TM4SF5: variants seen among roughly 807,000 people sequenced by gnomAD.
The protein encoded by TM4SF5 is transmembrane 4 L six family member 5.
Under a neutral mutation model 22.3 loss-of-function variants are expected in TM4SF5, and 16 were observed. The observed-to-expected ratio is 0.72, with a 90% CI of 0.49 to 1.09. TM4SF5 has a LOEUF of 1.09. TM4SF5 is among the 50% of genes least tolerant of loss of function. The probability of loss-of-function intolerance (pLI) is 0.00; values close to 1 mark genes in which losing one functional copy is unlikely to be tolerated. For missense variants in TM4SF5, 249 were observed against 266.1 expected (o/e 0.94, Z 0.45); for synonymous variants, 113 against 109.6 (o/e 1.03, Z -0.19).
chr17:4,782,831 A>G lies in TM4SF5; in HGVS notation c.396-23A>G, dbSNP rs761992121. 4 of 1,603,222 alleles carry G rather than the reference A, an allele frequency of 2.5e-6. No individual in the cohort carries two copies. The South Asian group carries it at 3.3e-5, about 13-fold the overall frequency. ...GCGCACGCGCACGCTGCCTTCTCCC[A>G]CGTGGCCTCACCCCTCCCACAGGGG... On this transcript the variant is annotated intron_variant, in intron 3 of 4. Coordinates refer to ENST00000270560, the MANE Select transcript of TM4SF5 (RefSeq NM_003963.3).
At chr17:4,782,443 A>T (rs1917329081) in intron 2 of TM4SF5, 60 bp from the exon 3 acceptor site, 7 of 1,598,698 alleles carry the variant, frequency 4.4e-6, no homozygotes, top group Non-Finnish European at 6.0e-6. Flanking sequence ...GCTGGCGCTG[A>T]GCGTCGTCAC....
intron 2 of TM4SF5, among the ~76,000 whole-genome samples, chr17:4,781,363 C>T (rs1481106625): frequency 5.3e-5 from 8 of 151,290 alleles, no homozygotes; most frequent in Non-Finnish European, 8.9e-5. Context: ...CAGAAATTAG[C>T]CTGGTGTGGT....
At position 4,780,903 on chromosome 17, in the gene TM4SF5, G is replaced by GGGGT. The variant is rs1401582200; in HGVS notation, c.258+37_258+40dup. The GGGGT allele has an allele frequency of 3.8e-6, 6 of 1,591,200 alleles. No homozygotes were observed. The African/African-American group carries it at 8.1e-5, about 21-fold the overall frequency. On this transcript the variant is annotated intron_variant, in intron 2 of 4. Coordinates refer to ENST00000270560, the MANE Select transcript of TM4SF5 (RefSeq NM_003963.3). The stretch of plus-strand genomic sequence containing the variant: ...CAGATTAAGAAGGAATTCAGGGCTG[G>GGGGT]GGGTGGTGTCTCATGCCTGTAATCC...
chr17:4,772,413 G>C (rs756734265), intron 1 of TM4SF5, among the ~76,000 whole-genome samples: 1 of 152,232 alleles, frequency 6.6e-6, no homozygotes, highest in Non-Finnish European at 1.5e-5. Flanking sequence ...TACAATGGTC[G>C]AGGCAGAAGG....
rs1210831136 is a variant in TM4SF5 at position 4,778,710 on chromosome 17, G to T, written c.178-2079G>T. Among the ~76,000 whole-genome samples, 5 of 152,238 alleles carry T rather than the reference G, an allele frequency of 3.3e-5. No individual in the cohort carries two copies. In the South Asian group the frequency reaches 1.0e-3, roughly 32 times the overall value. On this transcript the variant is annotated intron_variant, in intron 1 of 4. Coordinates refer to ENST00000270560, the MANE Select transcript of TM4SF5 (RefSeq NM_003963.3). ...CCTGACCTGGTGCAACGAAGATAAA[G>T]GTAACGGAGCCAGATGAGGAGGCTT...
chr17:4,782,995 C>A lies in TM4SF5; in HGVS notation c.537C>A (p.Asn179Lys). 2 of 1,614,178 alleles carry A rather than the reference C, an allele frequency of 1.2e-6. No homozygotes were observed. The highest frequency in any genetic ancestry group is 1.7e-6 in the Non-Finnish European group (2 of 1,180,034). ...EIVLCGIQLV[N>K]ATIGVFCGDC... ...TACTGTGTGGGATCCAGCTGGTGAA[C>A]GCGACCATTGGTGTCTTCTGCGGCG... The change falls in exon 4 of 5, where the codon AAC becomes AAA. Residue 179 changes from asparagine to lysine, a missense_variant. Transcript: ENST00000270560.
chr17:4,780,100 G>GGTTGGA (rs1917273215), intron 1 of TM4SF5, among the ~76,000 whole-genome samples: 1 of 149,840 alleles, frequency 6.7e-6, no homozygotes, highest in East Asian at 1.9e-4. Context: ...TTATTGCCCG[G>GGTTGGA]GTTGGAGTAC....
chr17:4,776,896 TA>T (rs1917216583), intron 1 of TM4SF5, among the ~76,000 whole-genome samples: 1 of 152,124 alleles, frequency 6.6e-6, no homozygotes, highest in East Asian at 1.9e-4. Flanking sequence ...GTCTGCAATA[TA>T]TACAGAAAAA....
At chr17:4,780,653 ACGTAGAGATAAGG>A in intron 1 of TM4SF5, 123 bp from the exon 2 acceptor site, 1 of 578,714 alleles carries the variant, frequency 1.7e-6, no homozygotes, top group Non-Finnish European at 3.0e-6. Flanking sequence ...GCTCCAGGAG[ACGTAGAGATAAGG>A]TCTTCTACAG....
chr17:4,778,487 G>C (rs1917245278), intron 1 of TM4SF5, among the ~76,000 whole-genome samples: 1 of 151,780 alleles, frequency 6.6e-6, no homozygotes, highest in Non-Finnish European at 1.5e-5. Context: ...CGCACCTTTA[G>C]TCCCAGCTAC....
At chr17:4,777,870 G>A (rs1217205565) in intron 1 of TM4SF5, among the ~76,000 whole-genome samples, 1 of 151,878 alleles carries the variant, frequency 6.6e-6, no homozygotes, top group East Asian at 1.9e-4. Flanking sequence ...GGCAACAAGA[G>A]CAAAACTTCG....
chr17:4,773,484 C>G (rs1251837634), intron 1 of TM4SF5, among the ~76,000 whole-genome samples: 2 of 152,178 alleles, frequency 1.3e-5, no homozygotes, highest in African/African-American at 4.8e-5. Context: ...AAGATCTACC[C>G]AGCACAGTTC....
Position 4,772,108 on chromosome 17 carries a change from G to A in TM4SF5, c.177+9G>A. Reference sequence around the variant, plus strand: ...TTGGCGGGGGCCTAATGGTGAGAAGGCTGGCAGGGGAGCCCGGGCCAGCTG... The same window carrying A: ...TTGGCGGGGGCCTAATGGTGAGAAGACTGGCAGGGGAGCCCGGGCCAGCTG... On this transcript the variant is annotated intron_variant, in intron 1 of 4. Coordinates refer to ENST00000270560, the MANE Select transcript of TM4SF5 (RefSeq NM_003963.3). 1 of 1,614,128 alleles carries A rather than the reference G, an allele frequency of 6.2e-7. No homozygotes were observed. The highest frequency in any genetic ancestry group is 1.7e-5 in the Admixed American group (1 of 60,004).
chr17:4,772,465 C>T lies in TM4SF5; in HGVS notation c.177+366C>T, dbSNP rs191183609. 3.9e-3 allele frequency among the ~76,000 whole-genome samples: 597 copies of T among 152,268 alleles called. 2 individuals carry two copies. Among genetic ancestry groups the T allele is most frequent in the African/African-American group, 0.014 (566 of 41,542 alleles). On this transcript the variant is annotated intron_variant, in intron 1 of 4. Coordinates refer to ENST00000270560, the MANE Select transcript of TM4SF5 (RefSeq NM_003963.3). Reference sequence around the variant, plus strand: ...AGACGTCATCGGGGCAGGATAATAACAGGCATGAGGGTGGGGCGCAGTGAA... The same window carrying T: ...AGACGTCATCGGGGCAGGATAATAATAGGCATGAGGGTGGGGCGCAGTGAA...
chr17:4,775,088 C>A (rs1406355122), intron 1 of TM4SF5, among the ~76,000 whole-genome samples: 1 of 151,274 alleles, frequency 6.6e-6, no homozygotes, highest in African/African-American at 2.4e-5. Flanking sequence ...AGTACAAAGC[C>A]TAAGGTGGGA....
intron 2 of TM4SF5, among the ~76,000 whole-genome samples, chr17:4,781,325 T>C (rs1339360771): frequency 1.4e-5 from 2 of 147,014 alleles, no homozygotes; most frequent in Non-Finnish European, 3.0e-5. Context: ...AGTGAAACTC[T>C]GTCTCAAAAA....
chr17:4,775,980 G>A lies in TM4SF5; in HGVS notation c.177+3881G>A, dbSNP rs1024049706. Among the ~76,000 whole-genome samples the A allele has an allele frequency of 1.2e-4, 18 of 152,020 alleles. 2 individuals are homozygous for A. The highest frequency in any genetic ancestry group is 5.9e-5 in the Non-Finnish European group (4 of 68,006). On this transcript the variant is annotated intron_variant, in intron 1 of 4. Transcript: ENST00000270560. ...ATGCCTCAGCCTCCAGAGTAGCTGGGGTTACAGGCATGAGCCACCACGCCT... is the reference window on the plus strand; with the variant it reads ...ATGCCTCAGCCTCCAGAGTAGCTGGAGTTACAGGCATGAGCCACCACGCCT...
At chr17:4,779,454 CTA>C (rs1322944216) in intron 1 of TM4SF5, among the ~76,000 whole-genome samples, 2 of 151,800 alleles carry the variant, frequency 1.3e-5, no homozygotes, top group African/African-American at 4.8e-5. Context: ...AAAAAAAAAG[CTA>C]TGTTTAACCT....
chr17:4,782,582 G>C lies in TM4SF5; in HGVS notation c.338G>C (p.Arg113Pro). The change falls in exon 3 of 5, where the codon CGA (arginine) becomes CCA (proline). Residue 113 changes from arginine to proline, a missense_variant. By Grantham distance (103) the Arg-to-Pro change is moderately radical. Transcript: ENST00000270560. ...YCLSVSGAGL[R>P]NGPRCLMNGE... ...CTCTCGGTGTCTGGAGCTGGGCTCC[G>C]AAATGGACCCAGATGCTTAATGAAC... 6.2e-7 allele frequency: 1 copy of C among 1,614,088 alleles called. No homozygotes were observed. The highest frequency in any genetic ancestry group is 8.5e-7 in the Non-Finnish European group (1 of 1,179,996).
Sources: gnomAD v4.1 joint callset for allele counts (sites outside exome capture counted in the v4.1 genomes callset) on GRCh38, gnomAD v4.1.1 for gene constraint, MANE v1.5 for transcripts, NCBI Gene and HGNC (gene_info 2026-07-23, HGNC 2026-07-21) for gene names.